Variants in PDE2A observed in about 807,000 individuals in gnomAD.
PDE2A encodes phosphodiesterase 2A.
In PDE2A, 53 loss-of-function variants were observed where a neutral mutation model predicts 133.6. The ratio of observed to expected loss-of-function variants is 0.40; its 90% CI spans 0.32 to 0.50. The LOEUF (loss-of-function observed/expected upper bound fraction) is 0.50. Among genes scored for constraint, PDE2A ranks in the 20% least tolerant of loss-of-function variants. PDE2A has a pLI of 0.73. For synonymous variants in PDE2A, 491 were observed against 490.2 expected, an observed-to-expected ratio of 1.00 and a Z score of -0.02; for missense variants, 796 against 1,232.4, an observed-to-expected ratio of 0.65 and a Z score of 5.30.
intron 4 of PDE2A, chr11:72,598,415 G>T: frequency 2.2e-6 from 2 of 929,550 alleles, no homozygotes; most frequent in Non-Finnish European, 3.0e-6. Flanking sequence ...AGGCAGGGGA[G>T]GTTGGTATGG....
At chr11:72,632,213 G>C (rs1858436892) in intron 2 of PDE2A, among the ~76,000 whole-genome samples, 1 of 152,178 alleles carries the variant, frequency 6.6e-6, no homozygotes, top group African/African-American at 2.4e-5. Flanking sequence ...ACGACTACTG[G>C]AATCTCTGGC....
chr11:72,609,769 G>A (rs1317758788), intron 2 of PDE2A, among the ~76,000 whole-genome samples: 1 of 151,910 alleles, frequency 6.6e-6, no homozygotes, highest in African/African-American at 2.4e-5. Flanking sequence ...GTGGAAGGTT[G>A]GGTCTGTGTT....
chr11:72,590,527 C>G lies in PDE2A; in HGVS notation c.603G>C (p.Glu201Asp). 1.4e-6 allele frequency: 2 copies of G among 1,454,228 alleles called. No homozygotes were observed. Among genetic ancestry groups the G allele is most frequent in the Non-Finnish European group, 9.0e-7 (1 of 1,109,556 alleles). The allele number at this position is 1,454,228 out of a possible 1,614,324, so 90.1% of individuals were successfully genotyped here. Reference protein sequence around the residue: ...VQVLQQRGPREAPRAVQNPPE... With the variant: ...VQVLQQRGPRDAPRAVQNPPE... ...GGGGGTTCTGGACGGCTCGGGGAGC[C>G]TCCCTGGGCCCGCGCTGCTGCAGGA... Residue 201 changes from glutamate to aspartate, a missense_variant, in exon 8 of 31, where the codon GAG (glutamate) becomes GAC (aspartate). By Grantham distance (45) the Glu-to-Asp change is conservative. Coordinates refer to ENST00000334456, the MANE Select transcript of PDE2A (RefSeq NM_002599.5). The surrounding 1 kb of genome is among the most constrained non-coding windows in gnomAD (Gnocchi z 4.8).
chr11:72,579,223 G>T, intron 27 of PDE2A, 61 bp downstream of exon 27: 1 of 1,317,320 alleles, frequency 7.6e-7, no homozygotes, highest in Non-Finnish European at 1.1e-6. Flanking sequence ...ATGCTCCCCT[G>T]GCAAATCCTT....
intron 4 of PDE2A, chr11:72,598,512 A>C: frequency 7.8e-7 from 1 of 1,289,014 alleles, no homozygotes. Context: ...TAAGCACCTG[A>C]GTTTGCACCA....
rs1303336493 is a variant in PDE2A, at chr11:72,651,258, C to CT, written c.72-8933dup. On this transcript the variant is annotated intron_variant, in intron 1 of 30. Coordinates refer to ENST00000334456, the MANE Select transcript of PDE2A (RefSeq NM_002599.5). ...GCCTGAGATGCCTGATTGCAGGACT[C>CT]TAAGACTCCAGCACCTGGTTTCTAT... Among the ~76,000 whole-genome samples, 4 of 152,166 alleles carry CT rather than the reference C, an allele frequency of 2.6e-5. No individual in the cohort carries two copies. The East Asian group carries it at 5.8e-4, about 22-fold the overall frequency.
At chr11:72,642,174 G>A (rs1858980464) in intron 2 of PDE2A, 80 bp downstream of exon 2, 5 of 1,353,256 alleles carry the variant, frequency 3.7e-6, no homozygotes, top group Non-Finnish European at 4.8e-6. Context: ...TCCCTGAGAA[G>A]GGTTCGGGGG....
rs1856552425 is a variant in PDE2A at position 72,597,723 on chromosome 11, T to A, written c.324-104A>T. Reference sequence around the variant, plus strand: ...TTTGGACCCTGCACATGTGCAAGGATCTGGGCAAGCTGACCTGCCTCAGGT... The same window carrying A: ...TTTGGACCCTGCACATGTGCAAGGAACTGGGCAAGCTGACCTGCCTCAGGT... On this transcript the variant is annotated intron_variant, in intron 4 of 30. Coordinates refer to ENST00000334456, the MANE Select transcript of PDE2A (RefSeq NM_002599.5). This position sits in a 1 kb window ranked among gnomAD's most constrained non-coding sequence, Gnocchi z 4.6. The A allele has an allele frequency of 1.4e-6, 1 of 729,452 alleles. No individual in the cohort carries two copies. Among genetic ancestry groups the A allele is most frequent in the Non-Finnish European group, 2.3e-6 (1 of 430,942 alleles). 45.2% of individuals were successfully genotyped at this position (729,452 alleles called of 1,614,324 possible). A position where few individuals can be genotyped will look rare whatever the true frequency, so the allele number is the denominator to read the frequency against.
Position 72,589,946 on chromosome 11 carries a change from G to A in PDE2A, c.792C>T (p.Leu264=). Residue 264 remains leucine (L), a synonymous_variant, in exon 10 of 31, where the codon CTC becomes CTT. Transcript: ENST00000334456. ...GGAGATTGTCCTCCGACACCAGCAG[G>A]AGGCAGCAGCGGGATGCCCGGGTCT... ...QQETRASRCC[L]LLVSEDNLQL... The A allele has an allele frequency of 1.2e-6, 2 of 1,613,316 alleles. No individual in the cohort carries two copies. The highest frequency in any genetic ancestry group is 8.5e-7 in the Non-Finnish European group (1 of 1,179,876).
intron 2 of PDE2A, among the ~76,000 whole-genome samples, chr11:72,622,797 C>T (rs552256904): frequency 6.6e-6 from 1 of 152,238 alleles, no homozygotes; most frequent in African/African-American, 2.4e-5. Context: ...GTACCTACCA[C>T]AACTGAACTG....
At position 72,610,360 on chromosome 11, in the gene PDE2A, C is replaced by T. The variant is rs112854915; in HGVS notation, c.145-1609G>A. On this transcript the variant is annotated intron_variant, in intron 2 of 30. Coordinates refer to ENST00000334456, the MANE Select transcript of PDE2A (RefSeq NM_002599.5). ...CAGGAGAGAGGGAGGAAGTGAGCTT[C>T]CCATCCTCAAGGGTGCACAAGAGTG... Among the ~76,000 whole-genome samples, 1,121 of 152,304 alleles carry T rather than the reference C, an allele frequency of 7.4e-3. 20 individuals carry two copies. The highest frequency in any genetic ancestry group is 0.025 in the African/African-American group (1,046 of 41,572).
chr11:72,580,511 G>T, intron 25 of PDE2A, 66 bp downstream of exon 25: 1 of 1,200,914 alleles, frequency 8.3e-7, no homozygotes, highest in Non-Finnish European at 1.2e-6. Context: ...GAGGAGCTGG[G>T]TCATAACTTT....
In PDE2A at chr11:72,589,772, G is replaced by C; in HGVS notation, c.852C>G (p.Leu284=). The C allele has an allele frequency of 6.2e-7, 1 of 1,613,834 alleles. No individual in the cohort carries two copies. The highest frequency in any genetic ancestry group is 8.5e-7 in the Non-Finnish European group (1 of 1,179,928). ...LSCKVIGDKV[L]GEEVSFPLTG... is the part of the protein sequence containing the mutation. ...TCACGGGAAAGCTGACCTCTTCCCC[G>C]AGCACTTTGTCTCCGATGACCTGAG... is the stretch of plus-strand genomic sequence containing the variant. The change falls in exon 11 of 31, where the codon CTC becomes CTG. Residue 284 remains leucine (L), a synonymous_variant. Coordinates refer to ENST00000334456, the MANE Select transcript of PDE2A (RefSeq NM_002599.5).
intron 2 of PDE2A, among the ~76,000 whole-genome samples, chr11:72,610,180 A>G (rs1273295660): frequency 6.6e-6 from 1 of 152,058 alleles, no homozygotes; most frequent in Non-Finnish European, 1.5e-5. Flanking sequence ...TCCAACTCCA[A>G]TCTCTCAGAC....
Position 72,590,204 on chromosome 11 carries a change from T to C in PDE2A, c.744A>G (p.Lys248=). The change falls in exon 9 of 31, where the codon AAA becomes AAG. Residue 248 remains lysine (K), a synonymous_variant. Coordinates refer to ENST00000334456, the MANE Select transcript of PDE2A (RefSeq NM_002599.5). The surrounding 1 kb of genome is among the most constrained non-coding windows in gnomAD (Gnocchi z 4.8). ...CGCAGGGACTCACGTATTGGAGCAC[T>C]TTGAGCTGCAGGGAAGAGGCATCCA... ...YDLDASSLQL[K]VLQYLQQETR... 2 of 1,551,516 alleles carry C rather than the reference T, an allele frequency of 1.3e-6. No individual in the cohort carries two copies. Among genetic ancestry groups the C allele is most frequent in the Non-Finnish European group, 1.7e-6 (2 of 1,146,800 alleles).
At chr11:72,583,077 G>T (rs1314470162) in intron 20 of PDE2A, among the ~76,000 whole-genome samples, 3 of 152,204 alleles carry the variant, frequency 2.0e-5, no homozygotes, top group African/African-American at 7.2e-5. Context: ...AATTAAGACT[G>T]CCCAGGGCTG....
chr11:72,645,640 C>T (rs1002500636), intron 1 of PDE2A, among the ~76,000 whole-genome samples: 9 of 152,140 alleles, frequency 5.9e-5, no homozygotes, highest in Non-Finnish European at 1.2e-4. Context: ...TGTGAATGTC[C>T]CCCGGTGATT....
chr11:72,610,011 TC>T (rs1857135122), intron 2 of PDE2A, among the ~76,000 whole-genome samples: 1 of 151,988 alleles, frequency 6.6e-6, no homozygotes, highest in Non-Finnish European at 1.5e-5. Flanking sequence ...AGTTAGACCA[TC>T]CCCTGTTCAT....
At chr11:72,605,974 C>G (rs924407568) in intron 3 of PDE2A, among the ~76,000 whole-genome samples, 1 of 152,004 alleles carries the variant, frequency 6.6e-6, no homozygotes, top group Non-Finnish European at 1.5e-5. Context: ...GATGGGCTTA[C>G]GAACAGAACT....
Sources: gnomAD v4.1 joint callset for allele counts (sites outside exome capture counted in the v4.1 genomes callset) on GRCh38, gnomAD v4.1.1 for gene constraint, Gnocchi (gnomAD v3.1) non-coding constraint, MANE v1.5 for transcripts, NCBI Gene and HGNC (gene_info 2026-07-23, HGNC 2026-07-21) for gene names.